Variants in NEDD4 observed in about 807,000 individuals in gnomAD.
NEDD4 encodes the protein E3 ubiquitin-protein ligase NEDD4.
A neutral mutation model predicts 144.9 loss-of-function variants in NEDD4; 99 were observed. The ratio of observed to expected loss-of-function variants is 0.68; its 90% CI spans 0.58 to 0.81. The LOEUF is 0.81. Ranked by LOEUF, NEDD4 falls within the 30% of genes least tolerant of loss-of-function variation. The probability of loss-of-function intolerance (pLI) is 0.00; values close to 1 mark genes in which losing one functional copy is unlikely to be tolerated. For missense variants in NEDD4, 985 were observed against 1,065.9 expected (o/e 0.92, Z 1.06); for synonymous variants, 318 against 350.6 (o/e 0.91, Z 1.04).
In NEDD4 at chr15:55,842,026, T is replaced by C. The variant is rs1234554539; in HGVS notation, c.1746A>G (p.Gly582=). The change falls in exon 19 of 29, where the codon GGA becomes GGG. Residue 582 remains glycine, a synonymous_variant. Transcript: ENST00000435532. The part of the protein sequence containing the change: ...RLWIEFDGEK[G]LDYGGVAREW... Reference sequence around the variant, plus strand: ...CTCTGGCAACTCCTCCATAATCCAATCCCTTTTCACCATCAAACTCAATCC... The same window carrying C: ...CTCTGGCAACTCCTCCATAATCCAACCCCTTTTCACCATCAAACTCAATCC... 4 of 1,614,064 alleles carry C rather than the reference T, an allele frequency of 2.5e-6. No homozygotes were observed. In the East Asian group the frequency reaches 8.9e-5, roughly 36 times the overall value.
At chr15:55,839,973 C>CAAAA (rs1157411288) in intron 21 of NEDD4, among the ~76,000 whole-genome samples, 37 of 12,096 alleles carry the variant, frequency 3.1e-3, no homozygotes, top group Admixed American at 7.8e-3. Flanking sequence ...CACTCTGTCT[C>CAAAA]AAAAAAAAAA....
chr15:55,890,242 ACAATT>A (rs2035524191), intron 5 of NEDD4, among the ~76,000 whole-genome samples: 2 of 152,228 alleles, frequency 1.3e-5, no homozygotes. Flanking sequence ...CTTAGAGTGT[ACAATT>A]CAATGTTTTT....
intron 1 of NEDD4, among the ~76,000 whole-genome samples, chr15:55,976,421 T>C (rs2037700484): frequency 6.6e-6 from 1 of 152,100 alleles, no homozygotes; most frequent in South Asian, 2.1e-4. Flanking sequence ...AAGATCTGAA[T>C]AGATATTTCT....
intron 7 of NEDD4, among the ~76,000 whole-genome samples, chr15:55,871,216 A>G (rs1197917927): frequency 6.6e-6 from 1 of 152,224 alleles, no homozygotes; most frequent in Non-Finnish European, 1.5e-5. Context: ...TAAAAGATGG[A>G]TACAGAAAAT....
At chr15:55,945,475 A>G (rs1175826019) in intron 4 of NEDD4, among the ~76,000 whole-genome samples, 3 of 152,198 alleles carry the variant, frequency 2.0e-5, no homozygotes, top group Non-Finnish European at 4.4e-5. Flanking sequence ...AAAAGAATAA[A>G]AAGAAGCAAA....
chr15:55,911,750 G>A (rs1156755464), intron 5 of NEDD4, among the ~76,000 whole-genome samples: 2 of 151,952 alleles, frequency 1.3e-5, no homozygotes, highest in Admixed American at 6.6e-5. Flanking sequence ...GGATGGTCTC[G>A]ATCTCCTGAC....
chr15:55,936,018 C>T (rs1401559228), intron 4 of NEDD4, among the ~76,000 whole-genome samples: 2 of 151,758 alleles, frequency 1.3e-5, no homozygotes, highest in East Asian at 3.9e-4. Context: ...AATGACCAAC[C>T]TTCTTCTATG....
chr15:55,924,984 C>T (rs553564727), intron 4 of NEDD4, among the ~76,000 whole-genome samples: 9 of 152,358 alleles, frequency 5.9e-5, no homozygotes, highest in African/African-American at 2.2e-4. Flanking sequence ...AGGAAAATCG[C>T]TTCAACCTGG....
chr15:55,990,758 G>A (rs1256227364), intron 1 of NEDD4, among the ~76,000 whole-genome samples: 2 of 152,146 alleles, frequency 1.3e-5, no homozygotes, highest in African/African-American at 4.8e-5. Flanking sequence ...GGTGGGAAGT[G>A]ATGCTCAATT....
intron 4 of NEDD4, among the ~76,000 whole-genome samples, chr15:55,946,922 A>C (rs1447750617): frequency 2.6e-5 from 4 of 152,240 alleles, no homozygotes; most frequent in Non-Finnish European, 5.9e-5. Flanking sequence ...GTACATAACG[A>C]AATGAAGGCA....
rs2038024807 is a variant in NEDD4 at position 55,993,544 on chromosome 15, G to C, written c.12C>G (p.Cys4Trp). 1 of 1,596,500 alleles carries C rather than the reference G, an allele frequency of 6.3e-7. No individual in the cohort carries two copies. Among genetic ancestry groups the C allele is most frequent in the Non-Finnish European group, 8.5e-7 (1 of 1,173,720 alleles). MAT[C>W]AVEVFGLLED... is the part of the protein sequence containing the mutation. ...CCAGGAGCCCGAACACCTCCACCGC[G>C]CAAGTTGCCATTTCCGAACGCTTCC... is the stretch of plus-strand genomic sequence containing the variant. The change falls in exon 1 of 29, where the codon TGC (cysteine) becomes TGG (tryptophan). Residue 4 changes from cysteine (C) to tryptophan (W), a missense_variant. Coordinates refer to ENST00000435532, the MANE Select transcript of NEDD4 (RefSeq NM_006154.4).
At chr15:55,846,917 T>C in intron 18 of NEDD4, 52 bp downstream of exon 18, 1 of 1,124,960 alleles carries the variant, frequency 8.9e-7, no homozygotes, top group Non-Finnish European at 1.3e-6. Context: ...TTCCCATTAC[T>C]TTCCATCTAT....
chr15:55,861,757 A>G (rs1220750151), intron 9 of NEDD4, among the ~76,000 whole-genome samples: 1 of 152,186 alleles, frequency 6.6e-6, no homozygotes, highest in Non-Finnish European at 1.5e-5. Context: ...TTTGCATTTA[A>G]TATAACCAGT....
Position 55,872,414 on chromosome 15 carries a change from C to A in NEDD4, c.404+1G>T. 1 of 1,409,540 alleles carries A rather than the reference C, an allele frequency of 7.1e-7. No individual in the cohort carries two copies. The highest frequency in any genetic ancestry group is 1.4e-5 in the South Asian group (1 of 71,426). 87.3% of individuals were successfully genotyped at this position (1,409,540 alleles called of 1,614,324 possible). ...GCTATTATTATTTTATATTTACTGA[C>A]CTTCTTGGATGAAGAACAAAATCCT... is the stretch of plus-strand genomic sequence containing the variant. On this transcript the variant is annotated splice_donor_variant, in intron 7 of 28. Coordinates refer to ENST00000435532, the MANE Select transcript of NEDD4 (RefSeq NM_006154.4). LOFTEE classifies it high-confidence loss of function.
intron 5 of NEDD4, among the ~76,000 whole-genome samples, chr15:55,880,759 A>G (rs1438201253): frequency 6.6e-6 from 1 of 152,194 alleles, no homozygotes; most frequent in African/African-American, 2.4e-5. Context: ...GCAGGAAGAC[A>G]GCTACGAGAG....
chr15:55,965,177 G>T (rs1194938066), intron 2 of NEDD4, among the ~76,000 whole-genome samples: 1 of 152,018 alleles, frequency 6.6e-6, no homozygotes, highest in African/African-American at 2.4e-5. Flanking sequence ...ATCCTGTTTG[G>T]ACAAGAGCCA....
At chr15:55,965,202 G>C (rs2037492061) in intron 2 of NEDD4, among the ~76,000 whole-genome samples, 1 of 152,062 alleles carries the variant, frequency 6.6e-6, no homozygotes, top group African/African-American at 2.4e-5. Context: ...TCCTGTTTTT[G>C]GTTGTTTGTT....
At chr15:55,830,658 G>A in intron 27 of NEDD4, 72 bp from the exon 28 acceptor site, 2 of 1,150,352 alleles carry the variant, frequency 1.7e-6, no homozygotes, top group Non-Finnish European at 2.6e-6. Context: ...ACTTTTTCTA[G>A]TGTACACTAG....
At chr15:55,947,902 T>C (rs1169809578) in intron 4 of NEDD4, among the ~76,000 whole-genome samples, 2 of 152,200 alleles carry the variant, frequency 1.3e-5, no homozygotes, top group African/African-American at 2.4e-5. Context: ...AAGACAGGGA[T>C]GCCCTCTCTC....
Sources: gnomAD v4.1 joint callset for allele counts (sites outside exome capture counted in the v4.1 genomes callset) on GRCh38, gnomAD v4.1.1 for gene constraint, MANE v1.5 for transcripts, NCBI Gene and HGNC (gene_info 2026-07-23, HGNC 2026-07-21) for gene names.